The following CNTN6 variants were observed in gnomAD, a reference collection of about 807,000 sequenced individuals.
CNTN6 encodes the protein contactin-6.
Under a neutral mutation model 122.8 loss-of-function variants are expected in CNTN6, and 137 were observed. The observed-to-expected ratio is 1.12, with a 90% CI of 0.97 to 1.29. The LOEUF (loss-of-function observed/expected upper bound fraction) is 1.29. Ranked by LOEUF, CNTN6 falls within the 50% of genes most tolerant of loss-of-function variation. The pLI, the probability that CNTN6 is intolerant of heterozygous loss-of-function variation, is 0.00. For synonymous variants in CNTN6, 570 were observed against 426.0 expected, an observed-to-expected ratio of 1.34 and a Z score of -4.16; for missense variants, 1,634 against 1,223.4, an observed-to-expected ratio of 1.34 and a Z score of -5.01.
Position 1,385,753 on chromosome 3 carries a change from C to T in CNTN6, c.2660C>T (p.Thr887Ile), listed in dbSNP as rs144858358. Residue 887 changes from threonine (T) to isoleucine (I), a missense_variant, in exon 20 of 23, where the codon ACA becomes ATA. Thr to Ile is a moderately conservative substitution (Grantham distance 89, BLOSUM62 -1). Transcript: ENST00000446702. ...ASVRAYNTAG[T>I]GPSSPPVNVT... ...GTAAGAGCTTACAACACTGCTGGGA[C>T]AGGGCCCTCAAGCCCCCCAGTCAAT... The T allele has an allele frequency of 1.2e-6, 2 of 1,613,638 alleles. No individual in the cohort carries two copies. The highest frequency in any genetic ancestry group is 2.7e-5 in the African/African-American group (2 of 74,906).
intron 20 of CNTN6, among the ~76,000 whole-genome samples, chr3:1,393,419 A>T (rs1239473469): frequency 4.8e-4 from 41 of 86,298 alleles, no homozygotes; most frequent in Admixed American, 8.1e-4. Flanking sequence ...AGGTGGGGGG[A>T]GGGGGGAGGG....
At position 1,220,735 on chromosome 3, in the gene CNTN6, T is replaced by C; in HGVS notation, c.104T>C (p.Val35Ala). 6.2e-7 allele frequency: 1 copy of C among 1,613,642 alleles called. No homozygotes were observed. The highest frequency in any genetic ancestry group is 8.5e-7 in the Non-Finnish European group (1 of 1,179,716). The change falls in exon 3 of 23, where the codon GTC becomes GCC. Residue 35 changes from valine to alanine, a missense_variant. Coordinates refer to ENST00000446702, the MANE Select transcript of CNTN6 (RefSeq NM_001289080.2). ...ATTTTTACTCAGGAGCCACATGATG[T>C]CATTTTTCCTTTGGATTTATCAAAA... ...RPIFTQEPHD[V>A]IFPLDLSKSE...
At chr3:1,112,339 C>T (rs1031194850) in intron 1 of CNTN6, among the ~76,000 whole-genome samples, 1 of 152,094 alleles carries the variant, frequency 6.6e-6, no homozygotes, top group African/African-American at 2.4e-5. Context: ...TGAAAAGTCC[C>T]AGGACAGGCC....
chr3:1,292,559 A>C (rs1695506780), intron 5 of CNTN6, among the ~76,000 whole-genome samples: 1 of 152,204 alleles, frequency 6.6e-6, no homozygotes, highest in South Asian at 2.1e-4. Context: ...TTGTATTTTA[A>C]CAAGCTTCTT....
chr3:1,399,315 C>T (rs1695380398), intron 20 of CNTN6, among the ~76,000 whole-genome samples: 1 of 151,860 alleles, frequency 6.6e-6, no homozygotes, highest in South Asian at 2.1e-4. Flanking sequence ...TTTTAAAAGG[C>T]ACTGGAGGAT....
rs1244878344 is a variant in CNTN6, at chr3:1,321,813, A to G, written c.925A>G (p.Lys309Glu). 1.2e-6 allele frequency: 2 copies of G among 1,607,622 alleles called. No homozygotes were observed. Among genetic ancestry groups the G allele is most frequent in the Non-Finnish European group, 8.5e-7 (1 of 1,176,856 alleles). ...CAACCTTCGAGGAAGAAACCTTGCAAAGGGTCAACTCATTTTTTATGGTGA... is the reference window on the plus strand; with the variant it reads ...CAACCTTCGAGGAAGAAACCTTGCAGAGGGTCAACTCATTTTTTATGGTGA... Reference protein sequence around the residue: ...ASNLRGRNLAKGQLIFYAPPE... With the variant: ...ASNLRGRNLAEGQLIFYAPPE... Residue 309 changes from lysine (K) to glutamate (E), a missense_variant, in exon 8 of 23, where the codon AAG becomes GAG. Lys to Glu is a moderately conservative substitution (Grantham distance 56, BLOSUM62 1). Transcript: ENST00000446702.
chr3:1,220,251 A>T (rs1023025107), intron 2 of CNTN6, among the ~76,000 whole-genome samples: 7 of 152,076 alleles, frequency 4.6e-5, no homozygotes, highest in African/African-American at 1.7e-4. Context: ...TGGGAGGATC[A>T]CTTGAGCCCA....
At chr3:1,279,825 C>A (rs17037104) in intron 5 of CNTN6, among the ~76,000 whole-genome samples, 4,719 of 152,118 alleles carry the variant, frequency 0.031, 248 homozygotes, top group African/African-American at 0.11. Context: ...ATTGCCATGA[C>A]CAAAAGAAAA....
chr3:1,327,184 A>G (rs1458820364), intron 9 of CNTN6, among the ~76,000 whole-genome samples: 1 of 151,880 alleles, frequency 6.6e-6, no homozygotes, highest in Non-Finnish European at 1.5e-5. Flanking sequence ...TACTATGTAT[A>G]CCAAATAACA....
chr3:1,153,180 C>G (rs1028080897), intron 2 of CNTN6, among the ~76,000 whole-genome samples: 6 of 152,006 alleles, frequency 3.9e-5, no homozygotes, highest in African/African-American at 1.4e-4. Context: ...TGAAGAAGTA[C>G]CAGTTATTCA....
At chr3:1,213,829 T>A (rs938820310) in intron 2 of CNTN6, among the ~76,000 whole-genome samples, 10 of 131,728 alleles carry the variant, frequency 7.6e-5, no homozygotes, top group African/African-American at 2.2e-4. Flanking sequence ...GACAAAAAAA[T>A]TTTTTAAATG....
chr3:1,388,503 C>T lies in CNTN6; in HGVS notation c.2704+2706C>T, dbSNP rs1248953027. On this transcript the variant is annotated intron_variant, in intron 20 of 22. Coordinates refer to ENST00000446702, the MANE Select transcript of CNTN6 (RefSeq NM_001289080.2). The stretch of plus-strand genomic sequence containing the variant: ...AAACTGGAAACTCTAAAACGCAGAG[C>T]GCCTCTCCTCCTCCAAGGGAACGCA... Among the ~76,000 whole-genome samples, 153 of 151,672 alleles carry T rather than the reference C, an allele frequency of 1.0e-3. 1 individual carries two copies. Among genetic ancestry groups the T allele is most frequent in the Non-Finnish European group, 6.9e-4 (47 of 67,930 alleles).
At chr3:1,200,355 C>G (rs1031754697) in intron 2 of CNTN6, among the ~76,000 whole-genome samples, 2 of 152,154 alleles carry the variant, frequency 1.3e-5, no homozygotes, top group African/African-American at 4.8e-5. Context: ...TTTAATTCAG[C>G]TCTTTGGAGA....
At chr3:1,113,376 A>G (rs2091570390) in intron 1 of CNTN6, among the ~76,000 whole-genome samples, 1 of 152,200 alleles carries the variant, frequency 6.6e-6, no homozygotes, top group African/African-American at 2.4e-5. Context: ...TTTTTCCAGA[A>G]TCATGACTTA....
intron 7 of CNTN6, among the ~76,000 whole-genome samples, chr3:1,298,773 T>C (rs1227599516): frequency 1.3e-5 from 2 of 152,158 alleles, no homozygotes; most frequent in African/African-American, 4.8e-5. Flanking sequence ...GGGTGATGTT[T>C]GATTCCTCCA....
intron 12 of CNTN6, among the ~76,000 whole-genome samples, chr3:1,371,638 A>G (rs146558092): frequency 3.9e-3 from 589 of 152,254 alleles, no homozygotes; most frequent in Middle Eastern, 0.014. Flanking sequence ...GGTCAATGAA[A>G]TGCTAGGTCT....
At chr3:1,215,307 T>C (rs953976057) in intron 2 of CNTN6, among the ~76,000 whole-genome samples, 1 of 152,258 alleles carries the variant, frequency 6.6e-6, no homozygotes, top group East Asian at 1.9e-4. Flanking sequence ...TATCTATGTT[T>C]CTAATCCATT....
intron 4 of CNTN6, among the ~76,000 whole-genome samples, chr3:1,258,034 G>T (rs752421435): frequency 1.3e-5 from 2 of 152,066 alleles, no homozygotes; most frequent in Non-Finnish European, 2.9e-5. Flanking sequence ...TGCCCCCTCT[G>T]CATTTCCTAT....
chr3:1,243,107 GTCA>G (rs1263389387), intron 4 of CNTN6, among the ~76,000 whole-genome samples: 7 of 152,220 alleles, frequency 4.6e-5, no homozygotes, highest in African/African-American at 1.7e-4. Flanking sequence ...GAAGGAGTCA[GTCA>G]GAGAGCCTTG....
Sources: allele counts gnomAD v4.1 joint callset (sites outside exome capture counted in the v4.1 genomes callset), GRCh38; gene constraint gnomAD v4.1.1; transcripts MANE v1.5; gene names NCBI Gene and HGNC (gene_info 2026-07-23, HGNC 2026-07-21).